DMD: variants seen among roughly 807,000 people sequenced by gnomAD.
The protein encoded by DMD is mutant dystrophin.
DMD carries 63 observed loss-of-function variants against 330.1 expected under a neutral mutation model. That is an observed-to-expected ratio of 0.19 (90% confidence interval 0.16 to 0.24). The LOEUF (loss-of-function observed/expected upper bound fraction) is 0.24, where lower values mean the gene tolerates loss of function less well. Among genes scored for constraint, DMD ranks in the 10% least tolerant of loss-of-function variants. The pLI, the probability that DMD is intolerant of heterozygous loss-of-function variation, is 1.00. For synonymous variants in DMD, 1,223 were observed against 959.8 expected (o/e 1.27, Z -5.07); for missense variants, 3,344 against 2,684.1 (o/e 1.25, Z -5.43).
chrX:33,197,021 C>T (rs1021005791), intron 1 of DMD, among the ~76,000 whole-genome samples: 20 of 111,107 alleles, frequency 1.8e-4, no homozygotes, highest in South Asian at 3.8e-4. Context: ...ATATAGAATA[C>T]GGCCTCCATC....
At chrX:31,622,846 T>TTA (rs757102035) in intron 55 of DMD, among the ~76,000 whole-genome samples, 3,035 of 73,954 alleles carry the variant, frequency 0.041, 62 homozygotes, top group East Asian at 0.11. Flanking sequence ...CAGAAAAATT[T>TTA]TATATATATA....
At chrX:32,602,787 C>T (rs1215747692) in intron 12 of DMD, among the ~76,000 whole-genome samples, 2 of 111,205 alleles carry the variant, frequency 1.8e-5, no homozygotes, top group Non-Finnish European at 3.8e-5. Context: ...CCAAATGCCA[C>T]AACATCTTCA....
intron 27 of DMD, among the ~76,000 whole-genome samples, chrX:32,446,310 T>G (rs1186543164): frequency 3.7e-5 from 4 of 109,380 alleles, no homozygotes; most frequent in Non-Finnish European, 5.8e-5. Flanking sequence ...AGAGAAAATT[T>G]AAAGGTACCA....
At chrX:31,407,775 C>T (rs938864160) in intron 60 of DMD, among the ~76,000 whole-genome samples, 2 of 110,582 alleles carry the variant, frequency 1.8e-5, no homozygotes, top group Non-Finnish European at 3.8e-5. Context: ...CCACCGCACC[C>T]GATCTATCTT....
intron 11 of DMD, among the ~76,000 whole-genome samples, chrX:32,617,651 G>C (rs1215696625): frequency 2.7e-5 from 3 of 111,012 alleles, no homozygotes; most frequent in Non-Finnish European, 5.7e-5. Context: ...ACAATTATTT[G>C]GGCAATAACT....
intron 1 of DMD, among the ~76,000 whole-genome samples, chrX:33,334,100 G>T (rs1014623354): frequency 9.0e-6 from 1 of 111,100 alleles, no homozygotes; most frequent in Admixed American, 9.6e-5. Context: ...CTACCAAATA[G>T]GTAAATTCAG....
intron 1 of DMD, among the ~76,000 whole-genome samples, chrX:33,021,484 C>T (rs1308772327): frequency 9.0e-6 from 1 of 111,213 alleles, no homozygotes; most frequent in Non-Finnish European, 1.9e-5. Flanking sequence ...ATTAAAAGAA[C>T]CGTTATTAAA....
upstream of DMD, among the ~76,000 whole-genome samples, chrX:33,214,796 G>A (rs1395687838): frequency 9.0e-6 from 1 of 111,307 alleles, no homozygotes; most frequent in African/African-American, 3.3e-5. Flanking sequence ...TGGGTCTACA[G>A]GTGAATGCCA....
intron 13 of DMD, among the ~76,000 whole-genome samples, chrX:32,585,231 C>A (rs771914207): frequency 9.0e-6 from 1 of 110,745 alleles, no homozygotes; most frequent in Non-Finnish European, 1.9e-5. Context: ...TGGGTACATA[C>A]GCTTAGATAG....
At chrX:32,552,552 A>G (rs974338604) in intron 16 of DMD, among the ~76,000 whole-genome samples, 2 of 112,166 alleles carry the variant, frequency 1.8e-5, no homozygotes, top group African/African-American at 3.2e-5. Context: ...CAATTGAAAC[A>G]AAAACAAAAA....
chrX:31,774,166 T>C lies in DMD; in HGVS notation c.7336A>G (p.Thr2446Ala). Residue 2446 changes from threonine (T) to alanine (A), a missense_variant, in exon 51 of 79, where the codon ACA (threonine) becomes GCA (alanine). Physicochemically the swap from Thr to Ala is moderately conservative, Grantham distance 58. Transcript: ENST00000357033. Reference protein sequence around the residue: ...ASPTQTVTLVTQPVVTKETAI... With the variant: ...ASPTQTVTLVAQPVVTKETAI... ...GTTTCCTTAGTAACCACAGGTTGTG[T>C]CACCAGAGTAACAGTCTGAGTAGGA... 1 of 1,209,531 alleles carries C rather than the reference T, an allele frequency of 8.3e-7. No homozygotes were observed. Among genetic ancestry groups the C allele is most frequent in the Non-Finnish European group, 1.1e-6 (1 of 893,747 alleles).
chrX:32,182,297 A>G (rs2096929802), intron 44 of DMD, among the ~76,000 whole-genome samples: 1 of 112,061 alleles, frequency 8.9e-6, no homozygotes, highest in African/African-American at 3.2e-5. Flanking sequence ...CTTATTTAAC[A>G]CCAGATTTTA....
chrX:32,252,851 AATATAT>A (rs1189775743), intron 43 of DMD, among the ~76,000 whole-genome samples: 1 of 72,709 alleles, frequency 1.4e-5, no homozygotes, highest in Non-Finnish European at 2.4e-5. Flanking sequence ...TAAATATATA[AATATAT>A]ATAAATATAT....
Position 32,032,298 on chromosome X carries a change from C to T in DMD, c.6439-63784G>A, listed in dbSNP as rs780028504. ...GTCACTGAATCTTTTCCACATCCCT[C>T]GTAAGTTCAATCTGGAATGTATATG... On this transcript the variant is annotated intron_variant, in intron 44 of 78. Transcript: ENST00000357033. Among the ~76,000 whole-genome samples, 244 of 111,112 alleles carry T rather than the reference C, an allele frequency of 2.2e-3. 1 individual carries two copies. Among genetic ancestry groups the T allele is most frequent in the African/African-American group, 7.3e-3 (223 of 30,674 alleles).
intron 2 of DMD, among the ~76,000 whole-genome samples, chrX:32,943,377 T>C (rs2090563576): frequency 9.0e-6 from 1 of 111,551 alleles, no homozygotes; most frequent in African/African-American, 3.3e-5. Context: ...TAAAAATTTA[T>C]ATTTTAATAT....
rs150651198 is a variant in DMD at position 32,457,400 on chromosome X, G to A, written c.3433-2568C>T. ...GCTAGAGAGATTGTTGTCCAATTGA[G>A]GATTCTTTTAAATGACAGGAGATAT... On this transcript the variant is annotated intron_variant, in intron 25 of 78. Coordinates refer to ENST00000357033, the MANE Select transcript of DMD (RefSeq NM_004006.3). Among the ~76,000 whole-genome samples the A allele has an allele frequency of 1.9e-3, 213 of 110,715 alleles. 1 individual carries two copies. The highest frequency in any genetic ancestry group is 3.1e-3 in the Non-Finnish European group (162 of 52,583).
intron 43 of DMD, among the ~76,000 whole-genome samples, chrX:32,278,812 C>T (rs766279089): frequency 9.0e-6 from 1 of 111,535 alleles, no homozygotes; most frequent in African/African-American, 3.3e-5. Flanking sequence ...CAAAAATAGA[C>T]AAATGGATCA....
chrX:31,686,485 T>G (rs979804312), intron 52 of DMD, among the ~76,000 whole-genome samples: 7 of 112,442 alleles, frequency 6.2e-5, no homozygotes, highest in African/African-American at 2.3e-4. Flanking sequence ...CGAACAAATG[T>G]CCTCTGAATT....
intron 7 of DMD, among the ~76,000 whole-genome samples, chrX:32,754,754 A>C (rs978298570): frequency 9.0e-6 from 1 of 111,614 alleles, no homozygotes; most frequent in African/African-American, 3.3e-5. Flanking sequence ...ATTTATACTC[A>C]ATAGCATTTA....
Sources: allele counts gnomAD v4.1 joint callset (sites outside exome capture counted in the v4.1 genomes callset), GRCh38; gene constraint gnomAD v4.1.1; transcripts MANE v1.5; gene names NCBI Gene and HGNC (gene_info 2026-07-23, HGNC 2026-07-21).